The following PAWR variants were observed in gnomAD, a reference collection of about 807,000 sequenced individuals.
PAWR encodes the protein pro-apoptotic WT1 regulator, also known as PRKC apoptosis WT1 regulator protein.
In PAWR, 23 loss-of-function variants were observed where a neutral mutation model predicts 32.0. That is an observed-to-expected ratio of 0.72 (90% CI 0.52 to 1.02). PAWR has a LOEUF of 1.02. Among genes scored for constraint, PAWR ranks in the 50% least tolerant of loss-of-function variants. PAWR has a pLI of 0.00. For missense variants in PAWR, 457 were observed against 437.7 expected (o/e 1.04, Z -0.39); for synonymous variants, 226 against 187.1 (o/e 1.21, Z -1.70).
At chr12:79,658,202 T>C (rs1043733092) in intron 2 of PAWR, among the ~76,000 whole-genome samples, 1 of 152,218 alleles carries the variant, frequency 6.6e-6, no homozygotes, top group African/African-American at 2.4e-5. Context: ...TCTTTGCACC[T>C]GGCATTGGCA....
At chr12:79,657,149 A>G (rs1186860285) in intron 2 of PAWR, among the ~76,000 whole-genome samples, 1 of 152,202 alleles carries the variant, frequency 6.6e-6, no homozygotes, top group African/African-American at 2.4e-5. Flanking sequence ...TGCTCAATGA[A>G]GCTAGATTTT....
rs375476955 is a variant in PAWR at position 79,679,613 on chromosome 12, A to C, written c.516+10116T>G. 1.3e-3 allele frequency among the ~76,000 whole-genome samples: 193 copies of C among 152,316 alleles called. 2 individuals are homozygous for C. In the South Asian group the frequency reaches 0.039, roughly 30 times the overall value. ...CTGAGTATTTAAGTAAGAGGTAATA[A>C]AATAAAATCCCTGATACGGCAGTAG... On this transcript the variant is annotated intron_variant, in intron 2 of 6. Transcript: ENST00000328827.
chr12:79,637,390 C>A, intron 2 of PAWR, among the ~76,000 whole-genome samples: 1 of 151,966 alleles, frequency 6.6e-6, no homozygotes, highest in Middle Eastern at 3.2e-3. Context: ...TGGTAATACC[C>A]TTTTCATCTA....
At chr12:79,677,467 A>G (rs1878226169) in intron 2 of PAWR, among the ~76,000 whole-genome samples, 1 of 152,236 alleles carries the variant, frequency 6.6e-6, no homozygotes, top group Non-Finnish European at 1.5e-5. Flanking sequence ...AAAAAAGCTT[A>G]AAATGAAATA....
rs1448626317 is a variant in PAWR, at chr12:79,590,428, C to T, written c.*2179G>A. The stretch of plus-strand genomic sequence containing the variant: ...GTTGGTCAAGCTGGTCTCAAACTCC[C>T]GAACTCTGGTAATCCACCCGCCTTG... On this transcript the variant is annotated 3_prime_UTR_variant, in exon 7 of 7. Coordinates refer to ENST00000328827, the MANE Select transcript of PAWR (RefSeq NM_002583.4). 1 of 152,110 alleles carries T rather than the reference C, an allele frequency of 6.6e-6. No individual in the cohort carries two copies. Among genetic ancestry groups the T allele is most frequent in the African/African-American group, 2.4e-5 (1 of 41,482 alleles). The allele number at this position is 152,110 out of a possible 1,614,324, so 9.4% of individuals were successfully genotyped here.
chr12:79,666,209 T>C (rs1877595969), intron 2 of PAWR, among the ~76,000 whole-genome samples: 2 of 152,160 alleles, frequency 1.3e-5, no homozygotes, highest in Non-Finnish European at 2.9e-5. Context: ...AGTCTTCTCA[T>C]CTCTTTCTCA....
intron 2 of PAWR, 73 bp downstream of exon 2, chr12:79,689,656 C>G: frequency 6.7e-7 from 1 of 1,491,660 alleles, no homozygotes; most frequent in South Asian, 1.3e-5. Context: ...CCCCGGGTAG[C>G]TCCCAGGAGG....
chr12:79,681,462 A>G (rs1378276264), intron 2 of PAWR, among the ~76,000 whole-genome samples: 1 of 152,146 alleles, frequency 6.6e-6, no homozygotes, highest in East Asian at 1.9e-4. Context: ...TAAAAAACAT[A>G]CAACAAAAGA....
chr12:79,678,459 T>C (rs1444292901), intron 2 of PAWR, among the ~76,000 whole-genome samples: 2 of 152,268 alleles, frequency 1.3e-5, no homozygotes, highest in East Asian at 1.9e-4. Flanking sequence ...TTTCCAACAA[T>C]GATAACCAAT....
intron 2 of PAWR, among the ~76,000 whole-genome samples, chr12:79,625,768 C>T (rs1282768355): frequency 3.3e-5 from 5 of 151,392 alleles, no homozygotes; most frequent in Non-Finnish European, 5.9e-5. Flanking sequence ...TGCAGTGAGC[C>T]GAGATCACGC....
At chr12:79,614,133 C>T (rs1282938015) in intron 3 of PAWR, among the ~76,000 whole-genome samples, 2 of 149,146 alleles carry the variant, frequency 1.3e-5, no homozygotes, top group Non-Finnish European at 3.0e-5. Flanking sequence ...GCCTCAGCCT[C>T]CCAAGTAGCT....
rs1482628595 is a variant in PAWR at position 79,632,229 on chromosome 12, AGT to A, written c.517-11024_517-11023del. On this transcript the variant is annotated intron_variant, in intron 2 of 6. Coordinates refer to ENST00000328827, the MANE Select transcript of PAWR (RefSeq NM_002583.4). The stretch of plus-strand genomic sequence containing the variant: ...TACTTATAAAGTGAGAGTAATCAAG[AGT>A]GTGTTATTGGCGTAAAGATATTCAT... 6 of 141,450 alleles carry A rather than the reference AGT, an allele frequency of 4.2e-5. No homozygotes were observed. In the Admixed American group the frequency reaches 4.3e-4, roughly 10 times the overall value. The allele number at this position is 141,450 out of a possible 1,614,324, so 8.8% of individuals were successfully genotyped here.
chr12:79,627,439 T>G (rs1398940524), intron 2 of PAWR, among the ~76,000 whole-genome samples: 2 of 152,116 alleles, frequency 1.3e-5, no homozygotes, highest in Non-Finnish European at 2.9e-5. Context: ...ATGGGGTTGT[T>G]TGTTTTTTTC....
chr12:79,603,216 C>T (rs1307541095), intron 4 of PAWR, among the ~76,000 whole-genome samples: 2 of 152,018 alleles, frequency 1.3e-5, no homozygotes, highest in Non-Finnish European at 2.9e-5. Flanking sequence ...TACGCCACTG[C>T]ACTCAGCCTG....
At chr12:79,614,512 C>CA (rs1454459272) in intron 3 of PAWR, among the ~76,000 whole-genome samples, 1 of 152,028 alleles carries the variant, frequency 6.6e-6, no homozygotes, top group Non-Finnish European at 1.5e-5. Context: ...TAACATTAAC[C>CA]ATTGGGGTAG....
Position 79,618,963 on chromosome 12 carries a change from C to T in PAWR, c.648+2113G>A, listed in dbSNP as rs113657638. Among the ~76,000 whole-genome samples the T allele has an allele frequency of 9.6e-3, 1,461 of 151,750 alleles. 33 individuals carry two copies. Among genetic ancestry groups the T allele is most frequent in the African/African-American group, 0.033 (1,372 of 41,422 alleles). On this transcript the variant is annotated intron_variant, in intron 3 of 6. Transcript: ENST00000328827. ...TTTCCCTTATCCAAGCTTTCACTTT[C>T]TACAGTTTCAGTTACCCATGGTCAA... is the stretch of plus-strand genomic sequence containing the variant.
rs1049170162 is a variant in PAWR at position 79,683,839 on chromosome 12, C to G, written c.516+5890G>C. ...TAATAAATACCTATTATACTAAACT[C>G]CACTGCAAACAAATGGTAGTAGGTG... On this transcript the variant is annotated intron_variant, in intron 2 of 6. Coordinates refer to ENST00000328827, the MANE Select transcript of PAWR (RefSeq NM_002583.4). 4.6e-5 allele frequency among the ~76,000 whole-genome samples: 7 copies of G among 152,182 alleles called. No homozygotes were observed. The South Asian group carries it at 6.2e-4, about 14-fold the overall frequency.
At chr12:79,624,544 G>A (rs1234888539) in intron 2 of PAWR, among the ~76,000 whole-genome samples, 1 of 152,110 alleles carries the variant, frequency 6.6e-6, no homozygotes, top group Non-Finnish European at 1.5e-5. Context: ...TGTATCTAAC[G>A]TTCCAGGCAG....
Position 79,586,235 on chromosome 12 carries a change from G to A in PAWR, c.*6372C>T, listed in dbSNP as rs1873382807. 1 of 152,490 alleles carries A rather than the reference G, an allele frequency of 6.6e-6. No individual in the cohort carries two copies. Among genetic ancestry groups the A allele is most frequent in the African/African-American group, 2.4e-5 (1 of 41,432 alleles). The allele number at this position is 152,490 out of a possible 1,614,324, so 9.4% of individuals were successfully genotyped here. On this transcript the variant is annotated 3_prime_UTR_variant, in exon 7 of 7. Transcript: ENST00000328827. ...ATAAAATGTTTAATGTGTTATGGAA[G>A]GCTAACAGTTTTTCAACTTTTCTCA...
Sources: allele counts gnomAD v4.1 joint callset (sites outside exome capture counted in the v4.1 genomes callset), GRCh38; gene constraint gnomAD v4.1.1; transcripts MANE v1.5; gene names NCBI Gene and HGNC (gene_info 2026-07-23, HGNC 2026-07-21).